The following ZNF268 variants were observed in gnomAD, a reference collection of about 807,000 sequenced individuals.
The protein encoded by ZNF268 is zinc finger protein 268, also known as zinc finger protein 3.
Under a neutral mutation model 29.3 loss-of-function variants are expected in ZNF268, and 20 were observed. That is an observed-to-expected ratio of 0.68 (90% confidence interval 0.48 to 0.99). ZNF268 has a LOEUF of 0.99. ZNF268 is among the 50% of genes least tolerant of loss of function. ZNF268 has a pLI of 0.00. For missense variants in ZNF268, 1,240 were observed against 1,121.6 expected, an observed-to-expected ratio of 1.11 and a Z score of -1.51; for synonymous variants, 429 against 376.9, an observed-to-expected ratio of 1.14 and a Z score of -1.60.
rs770203922 is a variant in ZNF268, at chr12:133,204,557, A to T, written c.*27A>T. On this transcript the variant is annotated 3_prime_UTR_variant, in exon 6 of 6. Transcript: ENST00000536435. ...AATTTTACGAAACTCTGAAAAGTGG[A>T]TTCACAAGAGATAGAAACAATCATA... 1.3e-5 allele frequency: 18 copies of T among 1,439,148 alleles called. No individual in the cohort carries two copies. Among genetic ancestry groups the T allele is most frequent in the Non-Finnish European group, 1.7e-5 (18 of 1,089,730 alleles). 89.1% of individuals were successfully genotyped at this position (1,439,148 alleles called of 1,614,324 possible).
intron 3 of ZNF268, among the ~76,000 whole-genome samples, chr12:133,190,914 T>C (rs1025425581): frequency 7.1e-6 from 1 of 141,424 alleles, no homozygotes; most frequent in Non-Finnish European, 1.6e-5. Context: ...GTAACTGTAT[T>C]GCAGATGTAG....
At chr12:133,190,416 G>T (rs1038565293) in intron 3 of ZNF268, among the ~76,000 whole-genome samples, 1 of 152,154 alleles carries the variant, frequency 6.6e-6, no homozygotes, top group Non-Finnish European at 1.5e-5. Flanking sequence ...ATTCCCACCA[G>T]CAATGAATAA....
rs865779840 is a variant in ZNF268 at position 133,203,361 on chromosome 12, C to T, written c.1675C>T (p.His559Tyr). 2.3e-5 allele frequency: 35 copies of T among 1,547,458 alleles called. No individual in the cohort carries two copies. The highest frequency in any genetic ancestry group is 2.8e-5 in the Non-Finnish European group (32 of 1,150,948). The change falls in exon 6 of 6, where the codon CAT (histidine) becomes TAT (tyrosine). Residue 559 changes from histidine to tyrosine, a missense_variant. His to Tyr is a moderately conservative substitution (Grantham distance 83, BLOSUM62 2). Coordinates refer to ENST00000536435, the MANE Select transcript of ZNF268 (RefSeq NM_003415.3). The part of the protein sequence containing the change: ...IHTGENPYEC[H>Y]ECGKAFSRKY... ...TACAGGAGAGAACCCCTATGAATGCCATGAATGTGGGAAAGCCTTCAGTCG... is the reference window on the plus strand; with the variant it reads ...TACAGGAGAGAACCCCTATGAATGCTATGAATGTGGGAAAGCCTTCAGTCG...
At chr12:133,185,597 AG>A in intron 2 of ZNF268, among the ~76,000 whole-genome samples, 1 of 152,348 alleles carries the variant, frequency 6.6e-6, no homozygotes. Context: ...TGCAGAGGCC[AG>A]ATCAGGCTGG....
Position 133,204,263 on chromosome 12 carries a change from A to G in ZNF268, c.2577A>G (p.Thr859=), listed in dbSNP as rs1467790624. 2.6e-6 allele frequency: 4 copies of G among 1,548,952 alleles called. No individual in the cohort carries two copies. The highest frequency in any genetic ancestry group is 3.5e-6 in the Non-Finnish European group (4 of 1,150,762). The change falls in exon 6 of 6, where the codon ACA becomes ACG. Residue 859 remains threonine, a synonymous_variant. Coordinates refer to ENST00000536435, the MANE Select transcript of ZNF268 (RefSeq NM_003415.3). ...TTCTTGTACACCAGAGAATGCACAC[A>G]AGAGAGAAACCATATGAATGCAGTG... ...LRLLVHQRMH[T]REKPYECSEC...
intron 5 of ZNF268, among the ~76,000 whole-genome samples, chr12:133,192,702 T>C (rs7965938): frequency 0.36 from 54,063 of 151,216 alleles, 10,091 homozygotes; most frequent in African/African-American, 0.42. Flanking sequence ...CGGAGTCTCA[T>C]TCTGTCGCCC....
rs568305644 is a variant in ZNF268, at chr12:133,191,669, G to C, written c.361+54G>C. 717 of 1,600,938 alleles carry C rather than the reference G, an allele frequency of 4.5e-4. 1 individual carries two copies. Among genetic ancestry groups the C allele is most frequent in the African/African-American group, 1.4e-3 (101 of 74,514 alleles). On this transcript the variant is annotated intron_variant, in intron 4 of 5. Transcript: ENST00000536435. ...TGCTCGATCTCCAGGCTTCTTCTTG[G>C]TTGCTGAAAACTGGAGGGCTTCTAT...
At chr12:133,185,235 C>T (rs1956280489) in intron 2 of ZNF268, among the ~76,000 whole-genome samples, 2 of 150,600 alleles carry the variant, frequency 1.3e-5, no homozygotes, top group Non-Finnish European at 2.9e-5. Flanking sequence ...AGCTTGGGTG[C>T]TCAGGGAAGG....
In ZNF268 at chr12:133,212,617, T is replaced by G. The variant is rs1426305060; in HGVS notation, c.*8087T>G. 1 of 151,756 alleles carries G rather than the reference T, an allele frequency of 6.6e-6. No homozygotes were observed. The highest frequency in any genetic ancestry group is 1.5e-5 in the Non-Finnish European group (1 of 67,952). 9.4% of individuals were successfully genotyped at this position (151,756 alleles called of 1,614,324 possible). On this transcript the variant is annotated 3_prime_UTR_variant, in exon 6 of 6. Transcript: ENST00000536435. ...TTTTAACTATTTTTAAGTGTACACT[T>G]CAGTGGCATGAAGTACATTATTTCC...
At chr12:133,186,566 C>T (rs557040176) in intron 2 of ZNF268, among the ~76,000 whole-genome samples, 56 of 151,552 alleles carry the variant, frequency 3.7e-4, no homozygotes, top group African/African-American at 9.0e-4. Context: ...TTAGTAGAGA[C>T]GGGGTTTTAC....
At chr12:133,187,159 T>C (rs1041957320) in intron 2 of ZNF268, among the ~76,000 whole-genome samples, 1 of 152,198 alleles carries the variant, frequency 6.6e-6, no homozygotes, top group Admixed American at 6.5e-5. Context: ...TTGTTTCTTT[T>C]TCTAATTTTT....
Position 133,207,304 on chromosome 12 carries a change from GGTTTAAAAATCCATATTTGTGAACA to G in ZNF268, c.*2775_*2799del, listed in dbSNP as rs1956916154. 1 of 20,650 alleles carries G rather than the reference GGTTTAAAAATCCATATTTGTGAACA, an allele frequency of 4.8e-5. No individual in the cohort carries two copies. Among genetic ancestry groups the G allele is most frequent in the Non-Finnish European group, 1.1e-4 (1 of 8,934 alleles). 1.3% of individuals were successfully genotyped at this position (20,650 alleles called of 1,614,324 possible). Reference sequence around the variant, plus strand: ...CTTGCAAACCATATTTGTGAACATAGGTTTAAAAATCCATATTTGTGAACATAGGTTTAAAAATCCATATTTGTGA... The same window carrying G: ...CTTGCAAACCATATTTGTGAACATAGTAGGTTTAAAAATCCATATTTGTGA... On this transcript the variant is annotated 3_prime_UTR_variant, in exon 6 of 6. Coordinates refer to ENST00000536435, the MANE Select transcript of ZNF268 (RefSeq NM_003415.3).
rs1956869001 is a variant in ZNF268, at chr12:133,205,144, T to TAAAAAACAAAA, written c.*620_*621insCAAAAAAAAAA. The TAAAAAACAAAA allele has an allele frequency of 2.4e-5, 1 of 42,270 alleles. No individual in the cohort carries two copies. The highest frequency in any genetic ancestry group is 4.5e-5 in the Non-Finnish European group (1 of 22,218). The allele number at this position is 42,270 out of a possible 1,614,324, so 2.6% of individuals were successfully genotyped here. ...TAACCTCACCTTAGAAGCTTCATTC[T>TAAAAAACAAAA]AAAAAAAAAAAAAAAAAAAAAAAAA... On this transcript the variant is annotated 3_prime_UTR_variant, in exon 6 of 6. Transcript: ENST00000536435.
In ZNF268 at chr12:133,191,112, C is replaced by T. The variant is rs192319814; in HGVS notation, c.235-377C>T. Among the ~76,000 whole-genome samples, 430 of 152,084 alleles carry T rather than the reference C, an allele frequency of 2.8e-3. 2 individuals are homozygous for T. Among genetic ancestry groups the T allele is most frequent in the African/African-American group, 9.6e-3 (397 of 41,480 alleles). Reference sequence around the variant, plus strand: ...TGGGCAGATCACAAAGTCAGGAGATCGAGACCATCCTGGCTAACACAGTGA... The same window carrying T: ...TGGGCAGATCACAAAGTCAGGAGATTGAGACCATCCTGGCTAACACAGTGA... On this transcript the variant is annotated intron_variant, in intron 3 of 5. Transcript: ENST00000536435.
rs1593927706 is a variant in ZNF268, at chr12:133,203,528, T to C, written c.1842T>C (p.Cys614=). Residue 614 remains cysteine (C), a synonymous_variant, in exon 6 of 6, where the codon TGT becomes TGC. Coordinates refer to ENST00000536435, the MANE Select transcript of ZNF268 (RefSeq NM_003415.3). The part of the protein sequence containing the change: ...RTHTGEKPFE[C]SECQKAFNTK... ...ATACAGGGGAGAAACCATTTGAATG[T>C]AGTGAGTGTCAGAAAGCCTTTAATA... 1.3e-6 allele frequency: 2 copies of C among 1,548,476 alleles called. No homozygotes were observed. Among genetic ancestry groups the C allele is most frequent in the Non-Finnish European group, 1.7e-6 (2 of 1,150,558 alleles).
Position 133,211,597 on chromosome 12 carries a change from AAAAG to A in ZNF268, c.*7070_*7073del, listed in dbSNP as rs1052389333. On this transcript the variant is annotated 3_prime_UTR_variant, in exon 6 of 6. Coordinates refer to ENST00000536435, the MANE Select transcript of ZNF268 (RefSeq NM_003415.3). ...GTGAAACTCCGTCTCAAAAAAAAAA[AAAAG>A]AAGATATACAGATGGCAAATAAGCA... 5.8e-5 allele frequency: 9 copies of A among 154,292 alleles called. No individual in the cohort carries two copies. The highest frequency in any genetic ancestry group is 2.0e-4 in the South Asian group (1 of 4,972). 9.6% of individuals were successfully genotyped at this position (154,292 alleles called of 1,614,324 possible). A position where few individuals can be genotyped will look rare whatever the true frequency, so the allele number is the denominator to read the frequency against.
At chr12:133,191,356 G>C in intron 3 of ZNF268, 133 bp from the exon 4 acceptor site, 3 of 932,368 alleles carry the variant, frequency 3.2e-6, no homozygotes, top group Non-Finnish European at 4.8e-6. Flanking sequence ...CTGATTTAAT[G>C]CACATTGATG....
At position 133,212,477 on chromosome 12, in the gene ZNF268, ATATATATATATATATATATATG is replaced by A. The variant is rs1163925124; in HGVS notation, c.*7956_*7977del. ...TATATATATATATATATATATATAT[ATATATATATATATATATATATG>A]TATATATACACACACACATACACAC... On this transcript the variant is annotated 3_prime_UTR_variant, in exon 6 of 6. Coordinates refer to ENST00000536435, the MANE Select transcript of ZNF268 (RefSeq NM_003415.3). The A allele has an allele frequency of 0.23, 3,479 of 15,388 alleles. 123 individuals carry two copies. The highest frequency in any genetic ancestry group is 0.35 in the African/African-American group (1,867 of 5,264). The allele number at this position is 15,388 out of a possible 1,614,324, so 1.0% of individuals were successfully genotyped here.
chr12:133,192,106 AC>A, intron 5 of ZNF268, 103 bp downstream of exon 5: 11 of 768,926 alleles, frequency 1.4e-5, no homozygotes, highest in Non-Finnish European at 2.0e-5. Context: ...ATTACCATGC[AC>A]TTTTTTTTTT....
Sources: gnomAD v4.1 joint callset for allele counts (sites outside exome capture counted in the v4.1 genomes callset) on GRCh38, gnomAD v4.1.1 for gene constraint, MANE v1.5 for transcripts, NCBI Gene and HGNC (gene_info 2026-07-23, HGNC 2026-07-21) for gene names.